The following EXOC6 variants were observed in gnomAD, a reference collection of about 807,000 sequenced individuals.
EXOC6 encodes the protein SEC15-like 1.
EXOC6 carries 60 observed loss-of-function variants against 112.5 expected under a neutral mutation model. The ratio of observed to expected loss-of-function variants is 0.53; its 90% CI spans 0.43 to 0.66. The LOEUF (loss-of-function observed/expected upper bound fraction) is 0.66. EXOC6 is among the 30% of genes least tolerant of loss of function. EXOC6 has a pLI of 0.00. For synonymous variants in EXOC6, 295 were observed against 308.0 expected (o/e 0.96, Z 0.44); for missense variants, 855 against 957.1 (o/e 0.89, Z 1.41).
At chr10:92,937,245 TAAAA>T (rs936235521) in intron 12 of EXOC6, among the ~76,000 whole-genome samples, 3 of 152,092 alleles carry the variant, frequency 2.0e-5, no homozygotes, top group East Asian at 1.9e-4. Context: ...AGCTGTTACT[TAAAA>T]AAAGTGTCCC....
intron 1 of EXOC6, among the ~76,000 whole-genome samples, chr10:92,851,969 A>G (rs1359970330): frequency 1.3e-5 from 2 of 152,092 alleles, no homozygotes; most frequent in East Asian, 3.9e-4. Context: ...TCGGGAGGCT[A>G]ACGTGGGAGA....
intron 20 of EXOC6, among the ~76,000 whole-genome samples, chr10:93,044,353 T>C (rs1332289215): frequency 3.3e-5 from 5 of 152,220 alleles, no homozygotes; most frequent in African/African-American, 1.2e-4. Flanking sequence ...TAAATGCACA[T>C]CTTTTTTAAT....
intron 18 of EXOC6, among the ~76,000 whole-genome samples, chr10:92,982,969 A>G (rs1842879407): frequency 6.6e-6 from 1 of 152,226 alleles, no homozygotes; most frequent in Non-Finnish European, 1.5e-5. Flanking sequence ...ATATATGCTC[A>G]AGAATAAATA....
intron 18 of EXOC6, among the ~76,000 whole-genome samples, chr10:92,990,749 T>C (rs1843196289): frequency 6.6e-6 from 1 of 152,114 alleles, no homozygotes; most frequent in African/African-American, 2.4e-5. Flanking sequence ...CAGCATGCAT[T>C]ATCTGTTTAT....
chr10:92,967,024 T>C (rs1202026729), intron 17 of EXOC6, among the ~76,000 whole-genome samples: 5 of 149,756 alleles, frequency 3.3e-5, no homozygotes, highest in African/African-American at 1.2e-4. Flanking sequence ...TTGATTTGCA[T>C]TTCTCTGATG....
intron 15 of EXOC6, among the ~76,000 whole-genome samples, chr10:92,952,956 G>A (rs1564857875): frequency 6.6e-6 from 1 of 152,172 alleles, no homozygotes; most frequent in Non-Finnish European, 1.5e-5. Context: ...GAATAGTGCT[G>A]TAATGAACAT....
chr10:93,058,159 T>C lies in EXOC6; in HGVS notation c.2283-64T>C. Reference sequence around the variant, plus strand: ...TAATTCAGAGCATGCCAAGATATTTTACTTGTGACAGCTTAGCTTTTAATT... The same window carrying C: ...TAATTCAGAGCATGCCAAGATATTTCACTTGTGACAGCTTAGCTTTTAATT... On this transcript the variant is annotated intron_variant, in intron 21 of 21. Transcript: ENST00000260762. 3 of 1,484,458 alleles carry C rather than the reference T, an allele frequency of 2.0e-6. No individual in the cohort carries two copies. The Admixed American group carries it at 6.5e-5, about 32-fold the overall frequency. 92.0% of individuals were successfully genotyped at this position (1,484,458 alleles called of 1,614,324 possible). A position where few individuals can be genotyped will look rare whatever the true frequency, so the allele number is the denominator to read the frequency against.
chr10:92,919,703 T>C (rs1384917835), intron 7 of EXOC6, among the ~76,000 whole-genome samples: 1 of 152,154 alleles, frequency 6.6e-6, no homozygotes. Flanking sequence ...CTGTAATCTA[T>C]CATACATATT....
At chr10:93,038,038 T>TA (rs1845594596) in intron 20 of EXOC6, among the ~76,000 whole-genome samples, 1 of 78,544 alleles carries the variant, frequency 1.3e-5, no homozygotes, top group Middle Eastern at 0.011. Flanking sequence ...AGACTCCGTC[T>TA]CCAAAAAAAA....
chr10:92,947,070 A>C (rs1853063802), intron 13 of EXOC6, among the ~76,000 whole-genome samples: 1 of 152,028 alleles, frequency 6.6e-6, no homozygotes. Context: ...ATAGGTGCTC[A>C]ATAAATATTA....
intron 18 of EXOC6, among the ~76,000 whole-genome samples, chr10:92,991,445 A>C (rs898328389): frequency 6.6e-6 from 1 of 151,770 alleles, no homozygotes; most frequent in Non-Finnish European, 1.5e-5. Context: ...CAAAAAAAAA[A>C]AAAAAAAACA....
intron 1 of EXOC6, chr10:92,834,975 T>A (rs1295979407): frequency 4.5e-6 from 2 of 440,048 alleles, no homozygotes; most frequent in Non-Finnish European, 8.1e-6. Flanking sequence ...TTCTTATCCT[T>A]AGAGAGATTA....
At chr10:92,955,747 C>T in intron 17 of EXOC6, 33 bp downstream of exon 17, 1 of 1,593,624 alleles carries the variant, frequency 6.3e-7, no homozygotes, top group Non-Finnish European at 8.5e-7. Flanking sequence ...GTTTTCATTT[C>T]AGTCACTGTA....
intron 19 of EXOC6, chr10:92,999,485 A>G (rs976706285): frequency 3.9e-6 from 1 of 254,294 alleles, no homozygotes; most frequent in African/African-American, 2.4e-5. Flanking sequence ...CATTGTCTGT[A>G]TAAATATCTT....
chr10:92,994,119 A>G (rs1164116144), intron 18 of EXOC6, among the ~76,000 whole-genome samples: 1 of 152,220 alleles, frequency 6.6e-6, no homozygotes, highest in Non-Finnish European at 1.5e-5. Context: ...GATTGTAGTC[A>G]TATTTCTCAT....
At chr10:92,896,498 A>G (rs1342545826) in intron 4 of EXOC6, among the ~76,000 whole-genome samples, 1 of 151,052 alleles carries the variant, frequency 6.6e-6, no homozygotes, top group Non-Finnish European at 1.5e-5. Flanking sequence ...CACCCGCTAT[A>G]TGCTATTTTT....
chr10:93,014,021 A>C (rs946074736), intron 19 of EXOC6, among the ~76,000 whole-genome samples, 173 bp from the exon 20 acceptor site: 3 of 152,184 alleles, frequency 2.0e-5, no homozygotes, highest in Admixed American at 1.3e-4. Flanking sequence ...GAGGTAATGG[A>C]TGTGGAGAAC....
chr10:93,017,234 G>A (rs1844566836), intron 20 of EXOC6, among the ~76,000 whole-genome samples: 1 of 151,894 alleles, frequency 6.6e-6, no homozygotes. Flanking sequence ...GGCATACAGA[G>A]TTATATAATG....
At chr10:92,882,650 A>C (rs888726917) in intron 1 of EXOC6, among the ~76,000 whole-genome samples, 24 of 152,192 alleles carry the variant, frequency 1.6e-4, no homozygotes, top group Admixed American at 1.6e-3. Flanking sequence ...CCCATCTCTC[A>C]AAGATAATTT....
Sources: allele counts gnomAD v4.1 joint callset (sites outside exome capture counted in the v4.1 genomes callset), GRCh38; gene constraint gnomAD v4.1.1; transcripts MANE v1.5; gene names NCBI Gene and HGNC (gene_info 2026-07-23, HGNC 2026-07-21).